KCP: variants seen among roughly 807,000 people sequenced by gnomAD.
KCP encodes kielin/chordin-like protein.
A neutral mutation model predicts 212.7 loss-of-function variants in KCP; 194 were observed. That is an observed-to-expected ratio of 0.91 (90% CI 0.81 to 1.03). The LOEUF is 1.03. KCP is among the 50% of genes least tolerant of loss of function. KCP has a pLI of 0.00. For synonymous variants in KCP, 833 were observed against 865.3 expected, an observed-to-expected ratio of 0.96 and a Z score of 0.65; for missense variants, 2,080 against 2,162.5, an observed-to-expected ratio of 0.96 and a Z score of 0.76.
At chr7:128,880,827 T>C (rs117652666) in intron 32 of KCP, 106 bp from the exon 33 acceptor site, 21,763 of 402,478 alleles carry the variant, frequency 0.054, 716 homozygotes, top group Middle Eastern at 0.1. Context: ...CCTCCCACAA[T>C]ACATTCTTCA....
At chr7:128,894,610 G>A (rs1046254705) in intron 8 of KCP, among the ~76,000 whole-genome samples, 1 of 151,840 alleles carries the variant, frequency 6.6e-6, no homozygotes, top group Admixed American at 6.6e-5. Flanking sequence ...TTGCAGGTTT[G>A]CAGGTTGCAG....
intron 30 of KCP, 46 bp downstream of exon 30, chr7:128,881,891 A>G (rs779362739): frequency 6.6e-7 from 1 of 1,519,808 alleles, no homozygotes; most frequent in Non-Finnish European, 8.9e-7. Context: ...GCCCACAGAG[A>G]AGGAAGAAGA....
intron 16 of KCP, 102 bp from the exon 17 acceptor site, chr7:128,891,921 T>G: frequency 1.2e-6 from 1 of 838,740 alleles, no homozygotes; most frequent in Non-Finnish European, 1.7e-6. Context: ...GGAAGCTGAC[T>G]CGAGGGGAAA....
intron 4 of KCP, 109 bp downstream of exon 4, chr7:128,906,992 G>A: frequency 2.8e-6 from 3 of 1,058,164 alleles, no homozygotes; most frequent in South Asian, 3.2e-5. Context: ...AGGTGTGGGA[G>A]TGGCAGGCAG....
intron 5 of KCP, 57 bp downstream of exon 5, chr7:128,906,222 G>T (rs2128950543): frequency 7.2e-7 from 1 of 1,396,956 alleles, no homozygotes; most frequent in Non-Finnish European, 9.9e-7. Flanking sequence ...GGCAGGCTGT[G>T]TCTGTGGGCC....
At position 128,891,094 on chromosome 7, in the gene KCP, C is replaced by A; in HGVS notation, c.1975G>T (p.Ala659Ser). The change falls in exon 20 of 40, where the codon GCC becomes TCC. Residue 659 changes from alanine to serine, a missense_variant and splice_region_variant. Ala to Ser is a moderately conservative substitution (Grantham distance 99). Transcript: ENST00000610776. ...CGTGGGCAGCCGGCGGGGGCTGGGG[C>A]GGCTGCGGCGAGACAGCGCATCAAA... ...PGECCPQCPA[A>S]PAPAGCPRPG... 1 of 1,445,536 alleles carries A rather than the reference C, an allele frequency of 6.9e-7. No individual in the cohort carries two copies. The highest frequency in any genetic ancestry group is 1.4e-5 in the South Asian group (1 of 70,358). 89.5% of individuals were successfully genotyped at this position (1,445,536 alleles called of 1,614,324 possible).
intron 30 of KCP, 22 bp downstream of exon 30, chr7:128,881,915 T>C (rs1417370704): frequency 1.3e-6 from 2 of 1,542,926 alleles, no homozygotes; most frequent in African/African-American, 2.8e-5. Flanking sequence ...GCTCTGTGAG[T>C]CCCCAAGGCA....
In KCP at chr7:128,878,687, G is replaced by T. The variant is rs752134090; in HGVS notation, c.4182C>A (p.Ser1394Arg). 6.4e-7 allele frequency: 1 copy of T among 1,550,694 alleles called. No individual in the cohort carries two copies. The highest frequency in any genetic ancestry group is 8.7e-7 in the Non-Finnish European group (1 of 1,146,958). Residue 1394 changes from serine to arginine, a missense_variant, in exon 38 of 40, where the codon AGC becomes AGA. Coordinates refer to ENST00000610776, the MANE Select transcript of KCP (RefSeq NM_001366122.1). ...TCCGGCCCTGGTAGGAGCCAGGTACGCTCACCTCCACCTGGGACTGCCCAT... is the reference window on the plus strand; with the variant it reads ...TCCGGCCCTGGTAGGAGCCAGGTACTCTCACCTCCACCTGGGACTGCCCAT... ...LWDGQSQVEV[S>R]VPGSYQGRTC...
intron 29 of KCP, among the ~76,000 whole-genome samples, chr7:128,883,417 C>T (rs376133970): frequency 4.6e-5 from 7 of 152,118 alleles, no homozygotes; most frequent in Non-Finnish European, 7.4e-5. Flanking sequence ...GGATTACAGG[C>T]GTGAGCTACC....
Position 128,893,967 on chromosome 7 carries a change from C to T in KCP, c.1005+9G>A, listed in dbSNP as rs1209900390. On this transcript the variant is annotated intron_variant, in intron 10 of 39. Coordinates refer to ENST00000610776, the MANE Select transcript of KCP (RefSeq NM_001366122.1). ...AGCCAGGCCCTCCCTGCCAGGCAGC[C>T]ACACTCACAGCACAGCGGCAGTGCG... 2 of 1,549,516 alleles carry T rather than the reference C, an allele frequency of 1.3e-6. No individual in the cohort carries two copies. The highest frequency in any genetic ancestry group is 1.7e-6 in the Non-Finnish European group (2 of 1,146,012).
chr7:128,910,512 C>T, intron 1 of KCP, 89 bp downstream of exon 1: 1 of 1,241,458 alleles, frequency 8.1e-7, no homozygotes, highest in Non-Finnish European at 1.1e-6. Flanking sequence ...GAGCAGAGCC[C>T]CCAGCCCCTC....
chr7:128,908,290 G>GAAAGAAAGAAAGAAAGAAAGAA (rs1795257750), intron 2 of KCP, 136 bp downstream of exon 2: 1 of 629,668 alleles, frequency 1.6e-6, no homozygotes, highest in Non-Finnish European at 2.3e-6. Context: ...AAGAAAGAAA[G>GAAAGAAAGAAAGAAAGAAAGAA]AAAGAAAGAA....
rs1794076145 is a variant in KCP at position 128,890,921 on chromosome 7, G to A, written c.2148C>T (p.Cys716=). 1.6e-6 allele frequency: 2 copies of A among 1,246,190 alleles called. No homozygotes were observed. The highest frequency in any genetic ancestry group is 1.0e-6 in the Non-Finnish European group (1 of 1,000,112). The allele number at this position is 1,246,190 out of a possible 1,614,324, so 77.2% of individuals were successfully genotyped here. A position where few individuals can be genotyped will look rare whatever the true frequency, so the allele number is the denominator to read the frequency against. Residue 716 remains cysteine, a synonymous_variant, in exon 20 of 40, where the codon TGC becomes TGT. Transcript: ENST00000610776. ...APCAHPRQGP[C]CPSCDGCLYQ... is the part of the protein sequence containing the mutation. ...GGGCGTTACCGTCGCAGGAGGGGCA[G>A]CAAGGCCCCTGGCGCGGGTGCGCGC...
At chr7:128,910,520 C>T in intron 1 of KCP, 81 bp downstream of exon 1, 1 of 1,315,218 alleles carries the variant, frequency 7.6e-7, no homozygotes, top group South Asian at 1.4e-5. Flanking sequence ...CCCCCAGCCC[C>T]TCTCGGCCCC....
intron 2 of KCP, among the ~76,000 whole-genome samples, 175 bp downstream of exon 2, chr7:128,908,251 G>GAAAGAAGA (rs10565205): frequency 4.0e-5 from 4 of 101,212 alleles, no homozygotes; most frequent in East Asian, 4.3e-4. Context: ...AAGAAAGAAA[G>GAAAGAAGA]AAGAAAGAAA....
chr7:128,902,651 C>G lies in KCP; in HGVS notation c.831+126G>C, dbSNP rs757173511. 6 of 846,008 alleles carry G rather than the reference C, an allele frequency of 7.1e-6. No individual in the cohort carries two copies. In the East Asian group the frequency reaches 1.1e-4, roughly 15 times the overall value. The allele number at this position is 846,008 out of a possible 1,614,324, so 52.4% of individuals were successfully genotyped here. ...CGCCTGCACAGCCCCCAGCAGACAG[C>G]GCCTAGGTCTTCTCCACTGGGTCCC... On this transcript the variant is annotated intron_variant, in intron 8 of 39. Transcript: ENST00000610776.
chr7:128,887,593 A>G, intron 22 of KCP, among the ~76,000 whole-genome samples: 1 of 136,018 alleles, frequency 7.4e-6, no homozygotes, highest in South Asian at 2.2e-4. Context: ...CCACACATAC[A>G]CACACAGCCA....
Position 128,893,410 on chromosome 7 carries a change from CAG to C in KCP, c.1164_1165del (p.Val390ProfsTer12), listed in dbSNP as rs1794305169. On this transcript the variant is annotated frameshift_variant, in exon 12 of 40. Coordinates refer to ENST00000610776, the MANE Select transcript of KCP (RefSeq NM_001366122.1). LOFTEE classifies it high-confidence loss of function. ...GCCTACCTGGCAGGAGCAGCGGACACAGAGGCCCCGCTCTTGGAGTCTGAAGG... is the reference window on the plus strand; with the variant it reads ...GCCTACCTGGCAGGAGCAGCGGACACAGGCCCCGCTCTTGGAGTCTGAAGG... 6.4e-7 allele frequency: 1 copy of C among 1,551,554 alleles called. No homozygotes were observed. Among genetic ancestry groups the C allele is most frequent in the Admixed American group, 2.0e-5 (1 of 50,988 alleles).
intron 11 of KCP, 103 bp from the exon 12 acceptor site, chr7:128,893,579 G>T (rs982019920): frequency 7.6e-5 from 80 of 1,051,816 alleles, no homozygotes; most frequent in Non-Finnish European, 1.1e-4. Flanking sequence ...AGAAGACCCA[G>T]CCGAGTTCTC....
Sources: gnomAD v4.1 joint callset for allele counts (sites outside exome capture counted in the v4.1 genomes callset) on GRCh38, gnomAD v4.1.1 for gene constraint, MANE v1.5 for transcripts, NCBI Gene and HGNC (gene_info 2026-07-23, HGNC 2026-07-21) for gene names.